Variants in MALRD1 observed in about 807,000 individuals in gnomAD.
MALRD1 encodes the protein MAM and LDL-receptor class A domain-containing protein 1.
A neutral mutation model predicts 242.1 loss-of-function variants in MALRD1; 247 were observed. The ratio of observed to expected loss-of-function variants is 1.02; its 90% CI spans 0.92 to 1.13. The LOEUF is 1.13. Among genes scored for constraint, MALRD1 ranks in the 50% most tolerant of loss-of-function variants. The pLI is 0.00. For synonymous variants in MALRD1, 995 were observed against 866.6 expected (o/e 1.15, Z -2.60); for missense variants, 2,989 against 2,533.1 (o/e 1.18, Z -3.86).
chr10:19,146,786 G>A (rs72790770), intron 11 of MALRD1, among the ~76,000 whole-genome samples: 9,319 of 152,040 alleles, frequency 0.061, 341 homozygotes, highest in East Asian at 0.2. Context: ...ATCAGTCTTC[G>A]GGCTTCTTTA....
Position 19,561,545 on chromosome 10 carries a change from G to A in MALRD1, c.5479-5957G>A, listed in dbSNP as rs146127603. The stretch of plus-strand genomic sequence containing the variant: ...GTGCATACACATAAATGATTGCTAC[G>A]TCTCTTGAACATTATATAATGCTAT... On this transcript the variant is annotated intron_variant, in intron 32 of 39. Transcript: ENST00000454679. 6.4e-3 allele frequency among the ~76,000 whole-genome samples: 977 copies of A among 152,178 alleles called. 13 individuals carry two copies. The highest frequency in any genetic ancestry group is 0.022 in the African/African-American group (934 of 41,520).
At chr10:19,608,903 C>A (rs1028570356) in intron 35 of MALRD1, among the ~76,000 whole-genome samples, 4 of 151,980 alleles carry the variant, frequency 2.6e-5, no homozygotes, top group Non-Finnish European at 5.9e-5. Flanking sequence ...AATGCATGTA[C>A]TTCAGATGAG....
chr10:19,696,113 A>T (rs1359983397), intron 38 of MALRD1, among the ~76,000 whole-genome samples: 2 of 152,154 alleles, frequency 1.3e-5, no homozygotes, highest in African/African-American at 4.8e-5. Context: ...AGCATGTGCA[A>T]AACAGGGGCC....
intron 19 of MALRD1, among the ~76,000 whole-genome samples, chr10:19,260,973 A>C (rs1839721584): frequency 6.6e-6 from 1 of 152,170 alleles, no homozygotes; most frequent in Non-Finnish European, 1.5e-5. Flanking sequence ...AAAATTAAGG[A>C]TCGGACTGTG....
At chr10:19,499,791 A>G (rs1837888661) in intron 31 of MALRD1, among the ~76,000 whole-genome samples, 1 of 152,208 alleles carries the variant, frequency 6.6e-6, no homozygotes, top group Admixed American at 6.5e-5. Context: ...AAAAGAGCAC[A>G]TTAATTTTAT....
chr10:19,482,652 T>TACACACACACACAC (rs144094060), intron 29 of MALRD1, among the ~76,000 whole-genome samples: 4,930 of 136,296 alleles, frequency 0.036, 113 homozygotes, highest in Non-Finnish European at 0.045. Flanking sequence ...TTACAATAGC[T>TACACACACACACAC]ACACACACAC....
chr10:19,727,414 G>A (rs892366123), intron 38 of MALRD1, among the ~76,000 whole-genome samples: 3 of 152,018 alleles, frequency 2.0e-5, no homozygotes, highest in Admixed American at 6.6e-5. Flanking sequence ...AAATATGCTC[G>A]CTAAATTAAA....
chr10:19,696,305 A>T (rs554421042), intron 38 of MALRD1, among the ~76,000 whole-genome samples: 15 of 152,218 alleles, frequency 9.9e-5, no homozygotes, highest in Non-Finnish European at 2.1e-4. Flanking sequence ...TTATGAACTC[A>T]GCAAGATAAG....
At chr10:19,070,791 A>G (rs1486957235) in intron 2 of MALRD1, among the ~76,000 whole-genome samples, 3 of 146,002 alleles carry the variant, frequency 2.1e-5, no homozygotes, top group Non-Finnish European at 4.5e-5. Flanking sequence ...CATGGTGATA[A>G]TTTGTTTAAG....
chr10:19,448,354 G>A (rs1270529136), intron 28 of MALRD1, among the ~76,000 whole-genome samples: 1 of 151,954 alleles, frequency 6.6e-6, no homozygotes, highest in Non-Finnish European at 1.5e-5. Flanking sequence ...TTTTTCTTGT[G>A]AATCATCATG....
At position 19,122,979 on chromosome 10, in the gene MALRD1, G is replaced by A. The variant is rs1008943985; in HGVS notation, c.695-513G>A. 2.0e-5 allele frequency among the ~76,000 whole-genome samples: 3 copies of A among 152,096 alleles called. No individual in the cohort carries two copies. In the South Asian group the frequency reaches 6.2e-4, roughly 32 times the overall value. On this transcript the variant is annotated intron_variant, in intron 5 of 39. Coordinates refer to ENST00000454679, the MANE Select transcript of MALRD1 (RefSeq NM_001142308.3). ...GACCTCAGGTGATCCACCCTCCTTG[G>A]CCTCCCAAAGGCCAGCCCATGCCTG... is the stretch of plus-strand genomic sequence containing the variant.
At chr10:19,638,548 T>C (rs926413678) in intron 36 of MALRD1, among the ~76,000 whole-genome samples, 1 of 151,890 alleles carries the variant, frequency 6.6e-6, no homozygotes, top group Admixed American at 6.6e-5. Context: ...ACTTGGAAAA[T>C]GGTAGTACTG....
chr10:19,047,737 C>CAA (rs1564359657), upstream of MALRD1, among the ~76,000 whole-genome samples: 2 of 151,988 alleles, frequency 1.3e-5, no homozygotes, highest in African/African-American at 4.8e-5. Flanking sequence ...CCCCTGCCCC[C>CAA]CAGAATCCAG....
chr10:19,729,859 C>G (rs1168466867), intron 38 of MALRD1, among the ~76,000 whole-genome samples: 3 of 150,846 alleles, frequency 2.0e-5, no homozygotes, highest in African/African-American at 7.3e-5. Flanking sequence ...GCCTCAGCCT[C>G]CCAAGTAGCT....
intron 12 of MALRD1, among the ~76,000 whole-genome samples, chr10:19,159,064 A>G (rs972098870): frequency 6.6e-6 from 1 of 152,224 alleles, no homozygotes; most frequent in Admixed American, 6.5e-5. Flanking sequence ...TCCAATCTGT[A>G]TATCAAAGCA....
intron 21 of MALRD1, among the ~76,000 whole-genome samples, chr10:19,283,831 T>G (rs1371605489): frequency 1.3e-5 from 2 of 152,228 alleles, no homozygotes; most frequent in East Asian, 3.8e-4. Flanking sequence ...ATTATAAAGT[T>G]GCTTCAAAGA....
intron 28 of MALRD1, among the ~76,000 whole-genome samples, chr10:19,448,208 C>G (rs1835110331): frequency 6.6e-6 from 1 of 151,958 alleles, no homozygotes; most frequent in Non-Finnish European, 1.5e-5. Context: ...AGCTTTTATT[C>G]TTTAAATTAT....
intron 38 of MALRD1, among the ~76,000 whole-genome samples, chr10:19,708,928 G>A (rs1294634469): frequency 8.2e-6 from 1 of 122,202 alleles, no homozygotes; most frequent in African/African-American, 2.6e-5. Context: ...CTCCCAAAGT[G>A]CTGGGATTAC....
At chr10:19,460,486 A>C (rs979442020) in intron 29 of MALRD1, among the ~76,000 whole-genome samples, 19 of 152,110 alleles carry the variant, frequency 1.2e-4, no homozygotes, top group African/African-American at 4.6e-4. Flanking sequence ...TAAGTTTCTG[A>C]AAAACCTCAT....
Sources: allele counts gnomAD v4.1 joint callset (sites outside exome capture counted in the v4.1 genomes callset), GRCh38; gene constraint gnomAD v4.1.1; transcripts MANE v1.5; gene names NCBI Gene and HGNC (gene_info 2026-07-23, HGNC 2026-07-21).